CTNNA3: variants seen among roughly 807,000 people sequenced by gnomAD.
CTNNA3 encodes the protein catenin alpha-3.
Under a neutral mutation model 95.7 loss-of-function variants are expected in CTNNA3, and 76 were observed. The observed-to-expected ratio is 0.79, with a 90% CI of 0.66 to 0.96. The LOEUF is 0.96. Ranked by LOEUF, CTNNA3 falls within the 40% of genes least tolerant of loss-of-function variation. CTNNA3 has a pLI of 0.00. For missense variants in CTNNA3, 1,191 were observed against 1,089.8 expected, an observed-to-expected ratio of 1.09 and a Z score of -1.31; for synonymous variants, 431 against 374.4, an observed-to-expected ratio of 1.15 and a Z score of -1.74.
At chr10:67,715,971 A>T (rs1334544943) in intron 1 of CTNNA3, among the ~76,000 whole-genome samples, 1 of 152,200 alleles carries the variant, frequency 6.6e-6, no homozygotes, top group Non-Finnish European at 1.5e-5. Flanking sequence ...TATACCCTTA[A>T]GAGCGGGTAA....
chr10:67,342,705 G>A (rs780540901), intron 5 of CTNNA3, among the ~76,000 whole-genome samples: 3 of 151,972 alleles, frequency 2.0e-5, no homozygotes, highest in African/African-American at 4.8e-5. Flanking sequence ...GTCTTTTTTC[G>A]CCAATGTATG....
At chr10:67,619,958 C>T (rs1287476961) in intron 2 of CTNNA3, among the ~76,000 whole-genome samples, 1 of 151,848 alleles carries the variant, frequency 6.6e-6, no homozygotes, top group African/African-American at 2.4e-5. Flanking sequence ...TCTTGATTCC[C>T]ATGAGGCTTA....
chr10:67,321,227 C>A (rs1348625441), intron 5 of CTNNA3, among the ~76,000 whole-genome samples: 1 of 152,128 alleles, frequency 6.6e-6, no homozygotes, highest in Non-Finnish European at 1.5e-5. Context: ...TTTATAGTTG[C>A]AAAGTGCAAT....
chr10:66,722,696 C>T (rs10997361), intron 9 of CTNNA3, among the ~76,000 whole-genome samples: 38,835 of 151,980 alleles, frequency 0.26, 6,741 homozygotes, highest in East Asian at 0.8. Context: ...ATCAACAGTG[C>T]ATTCCTGAGG....
At chr10:66,013,575 T>C (rs2079043852) in intron 15 of CTNNA3, among the ~76,000 whole-genome samples, 2 of 152,228 alleles carry the variant, frequency 1.3e-5, no homozygotes, top group Admixed American at 1.3e-4. Flanking sequence ...TAATTTCAAA[T>C]GTTTCTGCAA....
intron 7 of CTNNA3, among the ~76,000 whole-genome samples, chr10:66,926,755 CAA>C (rs2132620957): frequency 6.6e-6 from 1 of 152,030 alleles, no homozygotes; most frequent in East Asian, 1.9e-4. Flanking sequence ...TTTAAAAAAA[CAA>C]AACACTAAAG....
intron 11 of CTNNA3, among the ~76,000 whole-genome samples, chr10:66,514,660 T>C (rs7896063): frequency 0.032 from 4,869 of 152,234 alleles, 258 homozygotes; most frequent in African/African-American, 0.11. Flanking sequence ...ATTGTTCAAT[T>C]TCCAGTACCT....
At chr10:67,040,028 G>A (rs1265148064) in intron 7 of CTNNA3, among the ~76,000 whole-genome samples, 2 of 152,024 alleles carry the variant, frequency 1.3e-5, no homozygotes, top group Admixed American at 6.6e-5. Flanking sequence ...TCATGAGGAG[G>A]GTTAGTGACA....
chr10:67,324,117 GC>G (rs1433866329), intron 5 of CTNNA3, among the ~76,000 whole-genome samples: 5 of 152,148 alleles, frequency 3.3e-5, no homozygotes, highest in African/African-American at 1.2e-4. Flanking sequence ...AGGTTAAGAA[GC>G]TTTTGGGCTG....
At chr10:66,880,854 C>A (rs960692269) in intron 7 of CTNNA3, among the ~76,000 whole-genome samples, 7 of 152,082 alleles carry the variant, frequency 4.6e-5, no homozygotes, top group Non-Finnish European at 7.4e-5. Flanking sequence ...CTACACGTAA[C>A]CCTGAAGTTA....
intron 9 of CTNNA3, among the ~76,000 whole-genome samples, chr10:66,713,971 G>A (rs1848373681): frequency 6.6e-6 from 1 of 151,886 alleles, no homozygotes; most frequent in Admixed American, 6.6e-5. Context: ...TAAAGTATAA[G>A]GACATACTAC....
At chr10:66,388,903 T>C (rs1179866274) in intron 11 of CTNNA3, among the ~76,000 whole-genome samples, 1 of 152,060 alleles carries the variant, frequency 6.6e-6, no homozygotes, top group East Asian at 1.9e-4. Flanking sequence ...AAACATAGAA[T>C]GCCCGAAAAA....
At chr10:66,630,380 T>C (rs1037227555) in intron 9 of CTNNA3, among the ~76,000 whole-genome samples, 2 of 152,184 alleles carry the variant, frequency 1.3e-5, no homozygotes, top group East Asian at 3.9e-4. Flanking sequence ...GTTTTTCTTC[T>C]AGTCTGGCCA....
chr10:65,946,512 A>G (rs1052850811), intron 17 of CTNNA3, among the ~76,000 whole-genome samples: 8 of 152,126 alleles, frequency 5.3e-5, no homozygotes, highest in Non-Finnish European at 1.2e-4. Context: ...TACTTACACT[A>G]CTTCCTAATT....
At chr10:66,148,696 A>C (rs912702250) in intron 13 of CTNNA3, among the ~76,000 whole-genome samples, 3 of 145,756 alleles carry the variant, frequency 2.1e-5, no homozygotes, top group African/African-American at 5.1e-5. Flanking sequence ...TGTACTTCTC[A>C]GCCTCCAGGA....
At chr10:66,728,697 T>C (rs1408509410) in intron 9 of CTNNA3, among the ~76,000 whole-genome samples, 1 of 152,250 alleles carries the variant, frequency 6.6e-6, no homozygotes, top group South Asian at 2.1e-4. Context: ...AAGTGATTCT[T>C]GTGCCTCTGG....
chr10:66,927,314 C>G lies in CTNNA3; in HGVS notation c.1048-151790G>C. 6.2e-7 allele frequency: 1 copy of G among 1,614,156 alleles called. No homozygotes were observed. The highest frequency in any genetic ancestry group is 8.5e-7 in the Non-Finnish European group (1 of 1,180,028). ...CTTAACAATACCTTCAGACCTGTGA[C>G]AAATTTACGGAACTTGGATCTGTCC... On this transcript the variant is annotated intron_variant, in intron 7 of 17. Transcript: ENST00000433211. The surrounding 1 kb of genome is among the most constrained non-coding windows in gnomAD (Gnocchi z 4.7).
chr10:66,736,888 A>G (rs1301240807), intron 9 of CTNNA3, among the ~76,000 whole-genome samples: 2 of 152,174 alleles, frequency 1.3e-5, no homozygotes, highest in Admixed American at 6.5e-5. Context: ...TTTGGTAAAT[A>G]GTTGAAAAAC....
chr10:66,995,103 A>T (rs796919074), intron 7 of CTNNA3, among the ~76,000 whole-genome samples: 1 of 152,146 alleles, frequency 6.6e-6, no homozygotes, highest in Non-Finnish European at 1.5e-5. Context: ...CATGTTTCCA[A>T]TTCCTCTGAG....
Sources: gnomAD v4.1 joint callset for allele counts (sites outside exome capture counted in the v4.1 genomes callset) on GRCh38, gnomAD v4.1.1 for gene constraint, Gnocchi (gnomAD v3.1) non-coding constraint, MANE v1.5 for transcripts, NCBI Gene and HGNC (gene_info 2026-07-23, HGNC 2026-07-21) for gene names.